Variants in CSMD3 observed in about 807,000 individuals in gnomAD.
CSMD3 encodes the protein CUB and sushi domain-containing protein 3.
In CSMD3, 177 loss-of-function variants were observed where a neutral mutation model predicts 435.2. That is an observed-to-expected ratio of 0.41 (90% CI 0.36 to 0.46). The LOEUF is 0.46. Ranked by LOEUF, CSMD3 falls within the 20% of genes least tolerant of loss-of-function variation. CSMD3 has a pLI of 0.34. For synonymous variants in CSMD3, 1,656 were observed against 1,520.5 expected (o/e 1.09, Z -2.07); for missense variants, 4,265 against 4,504.6 (o/e 0.95, Z 1.52).
intron 38 of CSMD3, among the ~76,000 whole-genome samples, chr8:112,379,467 C>T (rs1044074503): frequency 1.3e-5 from 2 of 151,988 alleles, no homozygotes; most frequent in Non-Finnish European, 2.9e-5. Context: ...GAAACTCCGT[C>T]TCAAACAAAA....
At chr8:112,566,792 C>T (rs756458374) in intron 24 of CSMD3, among the ~76,000 whole-genome samples, 1 of 152,040 alleles carries the variant, frequency 6.6e-6, no homozygotes, top group African/African-American at 2.4e-5. Flanking sequence ...AGGCAAAGAC[C>T]CCATTTGCAA....
At chr8:113,218,306 T>C (rs932543171) in intron 3 of CSMD3, among the ~76,000 whole-genome samples, 8 of 151,114 alleles carry the variant, frequency 5.3e-5, no homozygotes, top group African/African-American at 1.7e-4. Context: ...CTGGGAAATA[T>C]GTGTGAACTA....
intron 32 of CSMD3, among the ~76,000 whole-genome samples, chr8:112,410,222 T>A (rs928889967): frequency 6.6e-6 from 1 of 151,704 alleles, no homozygotes; most frequent in African/African-American, 2.4e-5. Flanking sequence ...CTCAGTCCAG[T>A]TCTTTGTGGA....
At chr8:113,381,652 G>T (rs1383394739) in intron 1 of CSMD3, among the ~76,000 whole-genome samples, 2 of 152,002 alleles carry the variant, frequency 1.3e-5, no homozygotes, top group Non-Finnish European at 2.9e-5. Context: ...GAAAACAAAA[G>T]GTACATGTCC....
At chr8:112,651,933 T>C (rs1427132260) in intron 18 of CSMD3, among the ~76,000 whole-genome samples, 4 of 152,178 alleles carry the variant, frequency 2.6e-5, no homozygotes, top group Admixed American at 6.5e-5. Flanking sequence ...AAGCATCATG[T>C]CATGTATTAT....
intron 12 of CSMD3, among the ~76,000 whole-genome samples, chr8:112,801,783 A>G (rs1347651749): frequency 6.6e-6 from 1 of 151,918 alleles, no homozygotes; most frequent in Non-Finnish European, 1.5e-5. Flanking sequence ...AGTAAAGTAA[A>G]CCCATTATTA....
At chr8:112,624,855 A>G (rs1265286194) in intron 22 of CSMD3, among the ~76,000 whole-genome samples, 1 of 151,992 alleles carries the variant, frequency 6.6e-6, no homozygotes, top group African/African-American at 2.4e-5. Context: ...GACAAGCCAG[A>G]CTCACAAATG....
chr8:113,212,813 A>C (rs2092853749), intron 3 of CSMD3, among the ~76,000 whole-genome samples: 1 of 151,674 alleles, frequency 6.6e-6, no homozygotes, highest in Non-Finnish European at 1.5e-5. Flanking sequence ...GGTGCAGCAC[A>C]CCAATATGGC....
At chr8:112,766,117 CCA>C (rs2077972287) in intron 13 of CSMD3, among the ~76,000 whole-genome samples, 3 of 151,654 alleles carry the variant, frequency 2.0e-5, no homozygotes, top group South Asian at 4.1e-4. Context: ...TCTCTACTCT[CCA>C]CAGGTGGAGA....
chr8:113,095,226 T>C (rs1040475418), intron 5 of CSMD3, among the ~76,000 whole-genome samples: 3 of 152,190 alleles, frequency 2.0e-5, no homozygotes, highest in African/African-American at 7.2e-5. Flanking sequence ...AAGTTAACAG[T>C]GACTTCCATG....
intron 6 of CSMD3, among the ~76,000 whole-genome samples, chr8:112,998,375 G>A (rs939661266): frequency 1.3e-5 from 2 of 151,698 alleles, no homozygotes; most frequent in East Asian, 1.9e-4. Context: ...TTCTTTGCTC[G>A]CCTGAACCAT....
At chr8:113,106,250 A>G (rs755336879) in intron 4 of CSMD3, among the ~76,000 whole-genome samples, 4 of 152,162 alleles carry the variant, frequency 2.6e-5, no homozygotes, top group Non-Finnish European at 4.4e-5. Flanking sequence ...CAGTGACCAC[A>G]GTGAGGAAAG....
At chr8:113,002,513 T>C (rs1354268543) in intron 6 of CSMD3, among the ~76,000 whole-genome samples, 1 of 152,068 alleles carries the variant, frequency 6.6e-6, no homozygotes, top group Non-Finnish European at 1.5e-5. Flanking sequence ...CAATTAAAAA[T>C]AAACTTTGAA....
Position 112,421,166 on chromosome 8 carries a change from T to C in CSMD3, c.5396-12134A>G, listed in dbSNP as rs182541852. The stretch of plus-strand genomic sequence containing the variant: ...GGCTCTAGCTTTATGTTGAGAGTCA[T>C]GTTTGCACATTTTTTTTTTAACAGA... On this transcript the variant is annotated intron_variant, in intron 32 of 70. Transcript: ENST00000297405. Among the ~76,000 whole-genome samples the C allele has an allele frequency of 3.2e-3, 431 of 132,770 alleles. 5 individuals are homozygous for C. The highest frequency in any genetic ancestry group is 0.01 in the African/African-American group (403 of 39,154). The allele number at this position is 132,770 out of a possible 152,430, so 87.1% of individuals were successfully genotyped here.
chr8:112,860,258 C>A (rs867155978), intron 10 of CSMD3, among the ~76,000 whole-genome samples: 3 of 151,702 alleles, frequency 2.0e-5, no homozygotes, highest in Non-Finnish European at 3.0e-5. Context: ...AGTTTCTTCT[C>A]TTAATAGCAT....
At chr8:112,537,235 C>A (rs1302036267) in intron 27 of CSMD3, among the ~76,000 whole-genome samples, 2 of 151,256 alleles carry the variant, frequency 1.3e-5, no homozygotes, top group Admixed American at 1.3e-4. Context: ...CCAAATAAAA[C>A]CTAAAATATA....
Position 112,608,578 on chromosome 8 carries a change from T to C in CSMD3, c.3716-21343A>G, listed in dbSNP as rs184921995. On this transcript the variant is annotated intron_variant, in intron 22 of 70. Transcript: ENST00000297405. ...ACAATATGATACCAGCACACTGGCA[T>C]GAAAACTATATATATATATATACAT... Among the ~76,000 whole-genome samples, 258 of 151,902 alleles carry C rather than the reference T, an allele frequency of 1.7e-3. 3 individuals are homozygous for C. The highest frequency in any genetic ancestry group is 6.0e-3 in the African/African-American group (249 of 41,432).
chr8:112,266,164 G>C (rs562315619), intron 59 of CSMD3, among the ~76,000 whole-genome samples: 1 of 152,216 alleles, frequency 6.6e-6, no homozygotes, highest in Non-Finnish European at 1.5e-5. Context: ...AATAGGGACT[G>C]TCACTGCTCT....
intron 4 of CSMD3, among the ~76,000 whole-genome samples, chr8:113,165,066 GT>G (rs1242529411): frequency 6.6e-6 from 1 of 152,112 alleles, no homozygotes; most frequent in Non-Finnish European, 1.5e-5. Flanking sequence ...CTAGCAGGAA[GT>G]TAGATGATTG....
Sources: gnomAD v4.1 joint callset for allele counts (sites outside exome capture counted in the v4.1 genomes callset) on GRCh38, gnomAD v4.1.1 for gene constraint, MANE v1.5 for transcripts, NCBI Gene and HGNC (gene_info 2026-07-23, HGNC 2026-07-21) for gene names.